The following KCNT1 variants were observed in gnomAD, a reference collection of about 807,000 sequenced individuals.
KCNT1 encodes the protein potassium sodium-activated channel subfamily T member 1, also known as potassium channel subfamily T member 1.
Under a neutral mutation model 147.8 loss-of-function variants are expected in KCNT1, and 78 were observed. That is an observed-to-expected ratio of 0.53 (90% confidence interval 0.44 to 0.64). KCNT1 has a LOEUF of 0.64. KCNT1 is among the 30% of genes least tolerant of loss of function. The pLI, the probability that KCNT1 is intolerant of heterozygous loss-of-function variation, is 0.00. For missense variants in KCNT1, 1,419 were observed against 1,750.3 expected, an observed-to-expected ratio of 0.81 and a Z score of 3.38; for synonymous variants, 867 against 748.8, an observed-to-expected ratio of 1.16 and a Z score of -2.58.
At chr9:135,736,200 G>A (rs996262416) in intron 2 of KCNT1, among the ~76,000 whole-genome samples, 2 of 152,170 alleles carry the variant, frequency 1.3e-5, no homozygotes, top group Admixed American at 6.5e-5. Context: ...AGGGCTGGGG[G>A]CTAGGGGTGG....
intron 2 of KCNT1, among the ~76,000 whole-genome samples, chr9:135,748,490 T>C (rs1238171340): frequency 6.6e-6 from 1 of 152,220 alleles, no homozygotes; most frequent in East Asian, 1.9e-4. Context: ...ATTCGATTGA[T>C]AGGAGCCAGT....
At chr9:135,705,280 G>A (rs1835207167) in intron 1 of KCNT1, among the ~76,000 whole-genome samples, 1 of 152,210 alleles carries the variant, frequency 6.6e-6, no homozygotes, top group South Asian at 2.1e-4. Flanking sequence ...CATCGGCCCT[G>A]GAAAGGGTGG....
chr9:135,760,159 A>G (rs1438886215), intron 11 of KCNT1, among the ~76,000 whole-genome samples: 1 of 151,996 alleles, frequency 6.6e-6, no homozygotes, highest in African/African-American at 2.4e-5. Context: ...GGCAGAGTGC[A>G]GGGAAGGGTC....
chr9:135,772,875 G>A lies in KCNT1; in HGVS notation c.2169G>A (p.Leu723=). 6.4e-7 allele frequency: 1 copy of A among 1,558,354 alleles called. No individual in the cohort carries two copies. Among genetic ancestry groups the A allele is most frequent in the Non-Finnish European group, 8.7e-7 (1 of 1,152,246 alleles). The change falls in exon 19 of 31, where the codon CTG becomes CTA. Residue 723 remains leucine (L), a synonymous_variant. Transcript: ENST00000371757. ...AACTGGCCGACAGCTCAGCCCTGCT[G>A]CCCTGCGACCTGCTGAGCGACCAGT... ...VLELADSSAL[L]PCDLLSDQSE... is the part of the protein sequence containing the mutation.
At chr9:135,786,170 CG>C (rs2131581021) in intron 28 of KCNT1, 26 bp from the exon 29 acceptor site, 481 of 1,545,592 alleles carry the variant, frequency 3.1e-4, no homozygotes, top group Non-Finnish European at 3.7e-4. Context: ...CACCCCTCCC[CG>C]CCCTGCCCTG....
intron 10 of KCNT1, among the ~76,000 whole-genome samples, chr9:135,758,884 T>C (rs897966404): frequency 3.3e-5 from 5 of 152,096 alleles, no homozygotes; most frequent in African/African-American, 1.2e-4. Flanking sequence ...TGCCCAGAGC[T>C]GCGAGGGCCT....
At chr9:135,777,616 A>T in intron 21 of KCNT1, 106 bp downstream of exon 21, 1 of 1,051,710 alleles carries the variant, frequency 9.5e-7, no homozygotes, top group South Asian at 1.6e-5. Flanking sequence ...AGGGCACGGG[A>T]ACATGGGGCC....
intron 2 of KCNT1, among the ~76,000 whole-genome samples, chr9:135,719,716 C>G (rs893081446): frequency 6.6e-6 from 1 of 152,322 alleles, no homozygotes. Flanking sequence ...GAAGCTTCGT[C>G]CCTGAGCATG....
chr9:135,779,412 G>T lies in KCNT1; in HGVS notation c.2783G>T (p.Arg928Leu). The T allele has an allele frequency of 6.2e-7, 1 of 1,613,884 alleles. No individual in the cohort carries two copies. The highest frequency in any genetic ancestry group is 8.5e-7 in the Non-Finnish European group (1 of 1,180,000). ...TTELTHPSNM[R>L]FMQFRAKDSY... Reference sequence around the variant, plus strand: ...GAGCTCACCCACCCTTCCAACATGCGCTTCATGCAGTTCCGCGCCAAGGAC... The same window carrying T: ...GAGCTCACCCACCCTTCCAACATGCTCTTCATGCAGTTCCGCGCCAAGGAC... Residue 928 changes from arginine (R) to leucine (L), a missense_variant, in exon 24 of 31, where the codon CGC becomes CTC. By Grantham distance (102) the Arg-to-Leu change is moderately radical (BLOSUM62 -2). This residue lies in a region of KCNT1 where 247 missense variants were observed against 397.1 expected (regional missense o/e 0.62). Transcript: ENST00000371757.
chr9:135,779,316 A>G (rs886305817), intron 23 of KCNT1, 43 bp from the exon 24 acceptor site: 2 of 1,273,884 alleles, frequency 1.6e-6, no homozygotes, highest in Non-Finnish European at 2.2e-6. Context: ...GAGACCTCCT[A>G]CAACCACCAT....
rs1353251151 is a variant in KCNT1, at chr9:135,777,425, G to A, written c.2437G>A (p.Gly813Arg). The A allele has an allele frequency of 6.2e-7, 1 of 1,614,026 alleles. No individual in the cohort carries two copies. Among genetic ancestry groups the A allele is most frequent in the Admixed American group, 1.7e-5 (1 of 60,014 alleles). ...CGTCTCGGCAGAGACGGCCGGCAAT[G>A]GGCTGTACAACTTCATCGTGCCACT... is the stretch of plus-strand genomic sequence containing the variant. ...IIVSAETAGN[G>R]LYNFIVPLRA... The change falls in exon 21 of 31, where the codon GGG becomes AGG. Residue 813 changes from glycine to arginine, a missense_variant. By Grantham distance (125) the Gly-to-Arg change is moderately radical. This residue lies in a region of KCNT1 where 247 missense variants were observed against 397.1 expected (regional missense o/e 0.62). Coordinates refer to ENST00000371757, the MANE Select transcript of KCNT1 (RefSeq NM_020822.3).
chr9:135,733,804 G>C (rs1016954784), intron 2 of KCNT1, among the ~76,000 whole-genome samples: 45 of 147,976 alleles, frequency 3.0e-4, no homozygotes, highest in African/African-American at 1.1e-3. Flanking sequence ...CACCAGGCGT[G>C]GGTGCCCACC....
At chr9:135,746,009 G>A (rs1588300471) in intron 2 of KCNT1, among the ~76,000 whole-genome samples, 1 of 152,258 alleles carries the variant, frequency 6.6e-6, no homozygotes, top group Admixed American at 6.5e-5. Flanking sequence ...GCAGCCACAG[G>A]CTCCCTCCCC....
chr9:135,774,305 CTGTG>C (rs1313598856), intron 19 of KCNT1, among the ~76,000 whole-genome samples: 1 of 117,860 alleles, frequency 8.5e-6, no homozygotes, highest in Non-Finnish European at 1.7e-5. Context: ...GTGTGTGTGT[CTGTG>C]TGCTGTGTGT....
chr9:135,745,595 G>A (rs78193853), intron 2 of KCNT1, among the ~76,000 whole-genome samples: 30 of 152,208 alleles, frequency 2.0e-4, no homozygotes, highest in Admixed American at 1.2e-3. Flanking sequence ...GAGCAAGGGC[G>A]TCGTCCCAAG....
chr9:135,752,320 G>C lies in KCNT1; in HGVS notation c.434+1279G>C, dbSNP rs1470839388. 1.8e-5 allele frequency: 8 copies of C among 455,152 alleles called. No individual in the cohort carries two copies. Among genetic ancestry groups the C allele is most frequent in the Non-Finnish European group, 2.6e-5 (6 of 226,498 alleles). The allele number at this position is 455,152 out of a possible 1,614,324, so 28.2% of individuals were successfully genotyped here. On this transcript the variant is annotated intron_variant, in intron 4 of 30. Coordinates refer to ENST00000371757, the MANE Select transcript of KCNT1 (RefSeq NM_020822.3). The surrounding 1 kb of genome is among the most constrained non-coding windows in gnomAD (Gnocchi z 5.1). ...CTGTTACCCCGTCACAAGGGGGCCT[G>C]GCATCCCCAGGCCAGAGACTTTCCC...
intron 1 of KCNT1, among the ~76,000 whole-genome samples, chr9:135,711,638 T>C (rs1177893890): frequency 1.3e-5 from 2 of 152,188 alleles, no homozygotes; most frequent in Non-Finnish European, 2.9e-5. Flanking sequence ...TGACTACGTG[T>C]GCACCAAACA....
intron 2 of KCNT1, among the ~76,000 whole-genome samples, chr9:135,723,525 GA>G (rs1836007995): frequency 6.6e-6 from 1 of 152,198 alleles, no homozygotes; most frequent in African/African-American, 2.4e-5. Flanking sequence ...TGTGGCTCCC[GA>G]AGGGGCATTT....
At chr9:135,722,482 T>C (rs549645720) in intron 2 of KCNT1, among the ~76,000 whole-genome samples, 6 of 152,320 alleles carry the variant, frequency 3.9e-5, no homozygotes, top group African/African-American at 1.4e-4. Flanking sequence ...TAATTCCCAA[T>C]GCGCTCCCTC....
Sources: gnomAD v4.1 joint callset for allele counts (sites outside exome capture counted in the v4.1 genomes callset) on GRCh38, gnomAD v4.1.1 for gene constraint, gnomAD v4.1.1 regional missense constraint, Gnocchi (gnomAD v3.1) non-coding constraint, MANE v1.5 for transcripts, NCBI Gene and HGNC (gene_info 2026-07-23, HGNC 2026-07-21) for gene names.